The following PCDHA9 variants were observed in gnomAD, a reference collection of about 807,000 sequenced individuals.
PCDHA9 encodes the protein protocadherin alpha 9, also known as protocadherin alpha-9.
PCDHA9 carries 62 observed loss-of-function variants against 62.0 expected under a neutral mutation model. That is an observed-to-expected ratio of 1.00 (90% confidence interval 0.81 to 1.23). The LOEUF is 1.23. Among genes scored for constraint, PCDHA9 ranks in the 50% most tolerant of loss-of-function variants. The pLI is 0.00. For missense variants in PCDHA9, 1,205 were observed against 1,249.8 expected (o/e 0.96, Z 0.54); for synonymous variants, 557 against 567.6 (o/e 0.98, Z 0.27).
chr5:140,966,176 T>G (rs2095977016), intron 1 of PCDHA9: 1 of 188,102 alleles, frequency 5.3e-6, no homozygotes, highest in African/African-American at 2.3e-5. Context: ...CCTGGGGAGC[T>G]GATAGCCAGA....
At chr5:140,857,667 G>T (rs375722457) in intron 1 of PCDHA9, 10 of 1,596,922 alleles carry the variant, frequency 6.3e-6, no homozygotes, top group East Asian at 4.5e-5. Flanking sequence ...CGCGATGGGG[G>T]CGTGCCGCCT....
intron 1 of PCDHA9, among the ~76,000 whole-genome samples, chr5:140,873,882 A>G (rs1311106784): frequency 6.6e-6 from 1 of 152,152 alleles, no homozygotes; most frequent in Non-Finnish European, 1.5e-5. Context: ...GCTGGTCTTG[A>G]ACTCCTGACC....
intron 1 of PCDHA9, among the ~76,000 whole-genome samples, chr5:140,964,195 T>C (rs2095816434): frequency 6.6e-6 from 1 of 152,216 alleles, no homozygotes; most frequent in South Asian, 2.1e-4. Context: ...AAATAGAGTA[T>C]ACCATCTCTT....
chr5:140,892,573 A>G (rs1299586046), intron 1 of PCDHA9, among the ~76,000 whole-genome samples: 1 of 152,210 alleles, frequency 6.6e-6, no homozygotes, highest in Non-Finnish European at 1.5e-5. Context: ...TGTCAAAAGT[A>G]TATCTCAGTA....
At chr5:140,853,249 A>G in intron 1 of PCDHA9, 1 of 975,702 alleles carries the variant, frequency 1.0e-6, no homozygotes, top group Non-Finnish European at 1.2e-6. Flanking sequence ...ATTAATCTCT[A>G]TTCTCTCTCA....
At chr5:140,909,709 A>G (rs2153511702) in intron 1 of PCDHA9, among the ~76,000 whole-genome samples, 1 of 152,294 alleles carries the variant, frequency 6.6e-6, no homozygotes, top group Non-Finnish European at 1.5e-5. Context: ...GCTGCTAAGT[A>G]TACCTATGCC....
chr5:140,870,028 T>A, intron 1 of PCDHA9: 1 of 1,613,550 alleles, frequency 6.2e-7, no homozygotes, highest in Non-Finnish European at 8.5e-7. Flanking sequence ...AACTTTAGAT[T>A]ATGAAGAAAA....
intron 1 of PCDHA9, chr5:140,857,097 T>C (rs782084085): frequency 6.3e-7 from 1 of 1,597,284 alleles, no homozygotes; most frequent in Non-Finnish European, 8.6e-7. Context: ...CCTGAGGTGA[T>C]TGTCACTTCT....
intron 1 of PCDHA9, chr5:140,855,950 C>A: frequency 7.3e-7 from 1 of 1,363,922 alleles, no homozygotes; most frequent in Non-Finnish European, 1.0e-6. Flanking sequence ...TCAGCCATTT[C>A]GATAAAAAAT....
intron 1 of PCDHA9, among the ~76,000 whole-genome samples, chr5:140,871,921 A>G (rs1267841761): frequency 6.6e-6 from 1 of 152,296 alleles, no homozygotes; most frequent in African/African-American, 2.4e-5. Flanking sequence ...ATATTTCCAC[A>G]TTGTTAGATC....
chr5:140,929,496 G>T, intron 1 of PCDHA9: 14 of 989,736 alleles, frequency 1.4e-5, no homozygotes, highest in Non-Finnish European at 1.8e-5. Context: ...TTAGAAGATT[G>T]CCCTAGGCCT....
At chr5:140,992,023 G>C (rs1415968916) in intron 3 of PCDHA9, among the ~76,000 whole-genome samples, 2 of 148,226 alleles carry the variant, frequency 1.3e-5, no homozygotes, top group African/African-American at 4.9e-5. Flanking sequence ...GGCTCTGTGT[G>C]TGTGTGTGTG....
chr5:140,883,306 C>G, intron 1 of PCDHA9: 1 of 1,614,050 alleles, frequency 6.2e-7, no homozygotes, highest in Non-Finnish European at 8.5e-7. Flanking sequence ...TAAATGATAA[C>G]GCCCCAGAGG....
chr5:140,867,157 C>T (rs1194187128), intron 1 of PCDHA9: 2 of 152,166 alleles, frequency 1.3e-5, no homozygotes, highest in East Asian at 3.9e-4. Context: ...CCAGAGTAAA[C>T]CTTCTAAGGT....
At chr5:140,931,783 T>A (rs2087751344) in intron 1 of PCDHA9, among the ~76,000 whole-genome samples, 1 of 151,996 alleles carries the variant, frequency 6.6e-6, no homozygotes, top group African/African-American at 2.4e-5. Context: ...TTCAATTACC[T>A]ATTGATCTGA....
rs1160767102 is a variant in PCDHA9, at chr5:140,964,322, A to G, written c.2395-14627A>G. On this transcript the variant is annotated intron_variant, in intron 1 of 3. Coordinates refer to ENST00000532602, the MANE Select transcript of PCDHA9 (RefSeq NM_031857.2). ...TACCTACAAGGCCTAAAACAGCATA[A>G]TGGACAACCTGGCAGGTGTCCTTGC... Among the ~76,000 whole-genome samples the G allele has an allele frequency of 2.0e-5, 3 of 152,346 alleles. No individual in the cohort carries two copies. The East Asian group carries it at 5.8e-4, about 29-fold the overall frequency.
At chr5:140,923,878 G>A (rs1475731417) in intron 1 of PCDHA9, among the ~76,000 whole-genome samples, 3 of 152,192 alleles carry the variant, frequency 2.0e-5, no homozygotes, top group Non-Finnish European at 4.4e-5. Context: ...TCTGAGAAGC[G>A]TGTGAAAGAG....
intron 1 of PCDHA9, among the ~76,000 whole-genome samples, chr5:140,898,621 C>T (rs1356286726): frequency 8.5e-5 from 13 of 152,312 alleles, no homozygotes; most frequent in African/African-American, 2.6e-4. Flanking sequence ...AGTCAGGTAG[C>T]ATAATGCCTC....
intron 1 of PCDHA9, chr5:140,967,369 G>A (rs147557274): frequency 2.4e-5 from 38 of 1,607,564 alleles, no homozygotes; most frequent in Non-Finnish European, 2.9e-5. Context: ...AGCCCCTGCA[G>A]GAGAACAGTA....
Sources: allele counts gnomAD v4.1 joint callset (sites outside exome capture counted in the v4.1 genomes callset), GRCh38; gene constraint gnomAD v4.1.1; transcripts MANE v1.5; gene names NCBI Gene and HGNC (gene_info 2026-07-23, HGNC 2026-07-21).